Variants in PRKCQ observed in about 807,000 individuals in gnomAD.
The protein encoded by PRKCQ is protein kinase C theta type.
PRKCQ carries 41 observed loss-of-function variants against 91.2 expected under a neutral mutation model. The observed-to-expected ratio is 0.45, with a 90% CI of 0.35 to 0.58. PRKCQ has a LOEUF of 0.58. PRKCQ is among the 20% of genes least tolerant of loss of function. PRKCQ has a pLI of 0.00. For missense variants in PRKCQ, 673 were observed against 896.5 expected (o/e 0.75, Z 3.18); for synonymous variants, 307 against 316.9 (o/e 0.97, Z 0.33).
At chr10:6,567,045 T>C (rs1044720147) in intron 1 of PRKCQ, among the ~76,000 whole-genome samples, 2 of 151,630 alleles carry the variant, frequency 1.3e-5, no homozygotes, top group African/African-American at 4.9e-5. Context: ...GTGCTGAGAG[T>C]TAAAGAGAGA....
chr10:6,480,827 G>A lies in PRKCQ; in HGVS notation c.1180-1662C>T, dbSNP rs570261468. Among the ~76,000 whole-genome samples, 27 of 152,332 alleles carry A rather than the reference G, an allele frequency of 1.8e-4. No individual in the cohort carries two copies. The South Asian group carries it at 4.6e-3, about 26-fold the overall frequency. On this transcript the variant is annotated intron_variant, in intron 11 of 17. Transcript: ENST00000263125. Reference sequence around the variant, plus strand: ...GGTTTAAAAGCGACGGAGCAGGTTCGTAGCTTGATGGTAGCTGACTTGATA... The same window carrying A: ...GGTTTAAAAGCGACGGAGCAGGTTCATAGCTTGATGGTAGCTGACTTGATA...
At chr10:6,518,332 G>A (rs55698904) in intron 1 of PRKCQ, among the ~76,000 whole-genome samples, 17,287 of 152,134 alleles carry the variant, frequency 0.11, 1,022 homozygotes, top group Non-Finnish European at 0.13. Flanking sequence ...AATTACTAAA[G>A]GGAAATGATC....
At position 6,510,989 on chromosome 10, in the gene PRKCQ, C is replaced by T. The variant is rs45478698; in HGVS notation, c.318+6G>A. ...CCTTATGTGCATACACTTTATGCAA[C>T]GTTACCCATATTTCTGTCTTCCCGT... On this transcript the variant is annotated splice_donor_region_variant and intron_variant, in intron 3 of 17. Transcript: ENST00000263125. 2.7e-3 allele frequency: 4,435 copies of T among 1,614,028 alleles called. 15 individuals carry two copies. The highest frequency in any genetic ancestry group is 0.021 in the Middle Eastern group (128 of 6,058).
the PRKCQ span, among the ~76,000 whole-genome samples, chr10:6,395,149 C>T: frequency 1.3e-5 from 2 of 149,768 alleles, no homozygotes; most frequent in Admixed American, 6.7e-5. Context: ...CTGCAAGCTC[C>T]GCCTCCCGGG....
chr10:6,458,138 G>A (rs772116752), intron 14 of PRKCQ, among the ~76,000 whole-genome samples: 2 of 152,158 alleles, frequency 1.3e-5, no homozygotes, highest in Middle Eastern at 3.2e-3. Flanking sequence ...GTCTCACTAT[G>A]TTGCCAAGGC....
At chr10:6,443,332 T>G (rs1834073072) in intron 15 of PRKCQ, among the ~76,000 whole-genome samples, 1 of 152,052 alleles carries the variant, frequency 6.6e-6, no homozygotes, top group Non-Finnish European at 1.5e-5. Flanking sequence ...CCAACGGAAA[T>G]AAAACCAGTA....
chr10:6,507,304 T>C, intron 4 of PRKCQ, 132 bp downstream of exon 4: 1 of 903,588 alleles, frequency 1.1e-6, no homozygotes, highest in East Asian at 2.5e-5. Context: ...CCTCTGAGAA[T>C]TTTAAAACAA....
chr10:6,567,704 C>A (rs935201449), intron 1 of PRKCQ, among the ~76,000 whole-genome samples: 3 of 152,116 alleles, frequency 2.0e-5, no homozygotes, highest in Non-Finnish European at 4.4e-5. Context: ...TTTATTGCTG[C>A]TGGGATTTAT....
chr10:6,551,650 C>T (rs1840189603), intron 1 of PRKCQ, among the ~76,000 whole-genome samples: 1 of 152,162 alleles, frequency 6.6e-6, no homozygotes, highest in Non-Finnish European at 1.5e-5. Context: ...CCTGCCTCGG[C>T]CTCCCAAAGT....
Position 6,497,634 on chromosome 10 carries a change from CTCTT to C in PRKCQ, c.543-387_543-384del, listed in dbSNP as rs1394273978. Among the ~76,000 whole-genome samples, 1 of 152,204 alleles carries C rather than the reference CTCTT, an allele frequency of 6.6e-6. No individual in the cohort carries two copies. Among genetic ancestry groups the C allele is most frequent in the Non-Finnish European group, 1.5e-5 (1 of 68,044 alleles). The stretch of plus-strand genomic sequence containing the variant: ...AAAGACATCTGTAACATTTTATTTC[CTCTT>C]TCTGAGCATCTGAGAATATTTGCAA... On this transcript the variant is annotated intron_variant, in intron 5 of 17. Transcript: ENST00000263125. This position sits in a 1 kb window ranked among gnomAD's most constrained non-coding sequence, Gnocchi z 4.5.
intron 15 of PRKCQ, among the ~76,000 whole-genome samples, chr10:6,443,202 C>T (rs372309978): frequency 7.0e-4 from 106 of 152,292 alleles, no homozygotes; most frequent in African/African-American, 2.5e-3. Flanking sequence ...AGAGGGCACG[C>T]GCCATTCTGC....
chr10:6,454,036 C>T (rs905382725), intron 15 of PRKCQ, among the ~76,000 whole-genome samples: 1 of 151,986 alleles, frequency 6.6e-6, no homozygotes, highest in African/African-American at 2.4e-5. Flanking sequence ...CTAACCTGCA[C>T]ATTATGCACA....
At chr10:6,456,177 C>T (rs571548029) in intron 15 of PRKCQ, among the ~76,000 whole-genome samples, 6 of 152,206 alleles carry the variant, frequency 3.9e-5, no homozygotes, top group Admixed American at 2.0e-4. Flanking sequence ...TGAGTTTTAA[C>T]TTTCACACTC....
chr10:6,515,215 C>T, intron 1 of PRKCQ, 71 bp from the exon 2 acceptor site: 1 of 1,600,398 alleles, frequency 6.2e-7, no homozygotes, highest in South Asian at 1.1e-5. Context: ...CCCATGTCTA[C>T]TTAACCAGTG....
rs557328575 is a variant in PRKCQ, at chr10:6,515,581, G to A, written c.-9-437C>T. ...AGTCACACTAGTTAAATATGACACCGCAAAATTCTTACATGGTCTATTTAT... is the reference window on the plus strand; with the variant it reads ...AGTCACACTAGTTAAATATGACACCACAAAATTCTTACATGGTCTATTTAT... On this transcript the variant is annotated intron_variant, in intron 1 of 17. Coordinates refer to ENST00000263125, the MANE Select transcript of PRKCQ (RefSeq NM_006257.5). 25 of 900,690 alleles carry A rather than the reference G, an allele frequency of 2.8e-5. No individual in the cohort carries two copies. The East Asian group carries it at 1.8e-3, about 65-fold the overall frequency. 55.8% of individuals were successfully genotyped at this position (900,690 alleles called of 1,614,324 possible). A position where few individuals can be genotyped will look rare whatever the true frequency, so the allele number is the denominator to read the frequency against.
chr10:6,507,258 G>A lies in PRKCQ; in HGVS notation c.379+178C>T, dbSNP rs542691010. Among the ~76,000 whole-genome samples the A allele has an allele frequency of 2.6e-5, 4 of 152,076 alleles. No individual in the cohort carries two copies. The South Asian group carries it at 8.3e-4, about 32-fold the overall frequency. ...ATGTTTTATATTTCTACGTTTTTCC[G>A]GCCCAGATAGTGTCTTTTAAAGTCA... is the stretch of plus-strand genomic sequence containing the variant. On this transcript the variant is annotated intron_variant, in intron 4 of 17. Coordinates refer to ENST00000263125, the MANE Select transcript of PRKCQ (RefSeq NM_006257.5).
chr10:6,475,342 G>GA (rs1748176517), intron 12 of PRKCQ, among the ~76,000 whole-genome samples: 1 of 152,206 alleles, frequency 6.6e-6, no homozygotes, highest in African/African-American at 2.4e-5. Flanking sequence ...ATAAACGGCA[G>GA]AGCTGGGCTT....
intron 4 of PRKCQ, among the ~76,000 whole-genome samples, chr10:6,499,342 C>T (rs943647088): frequency 7.2e-5 from 11 of 152,086 alleles, no homozygotes; most frequent in African/African-American, 2.4e-4. Context: ...GTTTACAGTG[C>T]CCTATACCTG....
intron 1 of PRKCQ, among the ~76,000 whole-genome samples, chr10:6,572,073 T>C (rs146676670): frequency 2.3e-3 from 348 of 152,296 alleles, no homozygotes; most frequent in African/African-American, 7.8e-3. Context: ...TGGGGCTTTC[T>C]GAATGACTGA....
Sources: allele counts gnomAD v4.1 joint callset (sites outside exome capture counted in the v4.1 genomes callset), GRCh38; gene constraint gnomAD v4.1.1; non-coding constraint Gnocchi (gnomAD v3.1); transcripts MANE v1.5; gene names NCBI Gene and HGNC (gene_info 2026-07-23, HGNC 2026-07-21).